Variants in GPRC5C observed in about 807,000 individuals in gnomAD.
The protein encoded by GPRC5C is G protein-coupled receptor class C group 5 member C, also known as G protein-coupled receptor family C group 5 member C.
GPRC5C carries 22 observed loss-of-function variants against 31.4 expected under a neutral mutation model. That is an observed-to-expected ratio of 0.70 (90% CI 0.50 to 1.00). GPRC5C has a LOEUF of 1.00. Ranked by LOEUF, GPRC5C falls within the 50% of genes least tolerant of loss-of-function variation. GPRC5C has a pLI of 0.00. For synonymous variants in GPRC5C, 249 were observed against 257.5 expected, an observed-to-expected ratio of 0.97 and a Z score of 0.32; for missense variants, 557 against 597.2, an observed-to-expected ratio of 0.93 and a Z score of 0.70.
chr17:74,446,818 C>A (rs372288571), intron 3 of GPRC5C, 31 bp from the exon 4 acceptor site: 50 of 1,559,320 alleles, frequency 3.2e-5, no homozygotes, highest in Non-Finnish European at 4.2e-5. Flanking sequence ...TCCCAATCCC[C>A]GACTGTGAGA....
At chr17:74,439,636 G>A (rs1183488646) in intron 1 of GPRC5C, 109 bp from the exon 2 acceptor site, 5 of 1,032,014 alleles carry the variant, frequency 4.8e-6, no homozygotes, top group Middle Eastern at 2.3e-4. Flanking sequence ...GAGCCTCACG[G>A]TCAGCAGCTA....
chr17:74,437,815 AAG>A (rs1024761856), intron 1 of GPRC5C, among the ~76,000 whole-genome samples: 17 of 152,130 alleles, frequency 1.1e-4, no homozygotes, highest in East Asian at 9.7e-4. Flanking sequence ...AGCCTCACAG[AAG>A]AGAGTTAGAT....
rs1211180403 is a variant in GPRC5C, at chr17:74,440,829, T to C, written c.1051+2T>C. On this transcript the variant is annotated splice_donor_variant, in intron 2 of 3. Coordinates refer to ENST00000392627, the MANE Select transcript of GPRC5C (RefSeq NM_022036.4). LOFTEE classifies it high-confidence loss of function. This position sits in a 1 kb window ranked among gnomAD's most constrained non-coding sequence, Gnocchi z 4.4. ...TTTCCATGGATGAGCCGGTTGCAGG[T>C]GGGTCTCTGTGGATGCCCCCAGTGG... The C allele has an allele frequency of 6.8e-7, 1 of 1,479,504 alleles. No individual in the cohort carries two copies. Among genetic ancestry groups the C allele is most frequent in the African/African-American group, 1.4e-5 (1 of 71,282 alleles). 91.6% of individuals were successfully genotyped at this position (1,479,504 alleles called of 1,614,324 possible).
At chr17:74,437,482 A>G (rs2055449162) in intron 1 of GPRC5C, among the ~76,000 whole-genome samples, 1 of 152,230 alleles carries the variant, frequency 6.6e-6, no homozygotes, top group South Asian at 2.1e-4. Flanking sequence ...GATGGCTAAG[A>G]CGACCTAAAT....
chr17:74,448,105 T>A (rs2055669587), downstream of GPRC5C, among the ~76,000 whole-genome samples: 3 of 152,160 alleles, frequency 2.0e-5, no homozygotes, highest in South Asian at 6.2e-4. Flanking sequence ...GCCCAGGAGT[T>A]CCAGACTAGC....
At chr17:74,439,105 G>A (rs964081219) in intron 1 of GPRC5C, among the ~76,000 whole-genome samples, 3 of 152,202 alleles carry the variant, frequency 2.0e-5, no homozygotes, top group African/African-American at 7.2e-5. Context: ...TGGGGACTTC[G>A]TTTATTTCAC....
intron 3 of GPRC5C, chr17:74,445,711 C>T (rs1418775698): frequency 6.6e-6 from 1 of 152,078 alleles, no homozygotes; most frequent in African/African-American, 2.4e-5. Context: ...GCAGCTCTTT[C>T]CCATAGGGCT....
chr17:74,433,068 C>A (rs559336201), intron 1 of GPRC5C, among the ~76,000 whole-genome samples: 1 of 152,074 alleles, frequency 6.6e-6, no homozygotes, highest in Non-Finnish European at 1.5e-5. Context: ...CCCGAACCCC[C>A]ACTCCCGGCT....
At chr17:74,438,427 AT>A in intron 1 of GPRC5C, among the ~76,000 whole-genome samples, 1 of 151,478 alleles carries the variant, frequency 6.6e-6, no homozygotes, top group South Asian at 2.1e-4. Flanking sequence ...CGCCCGGCTA[AT>A]TTTTGTATTT....
In GPRC5C at chr17:74,440,890, A is replaced by T. The variant is rs2055528073; in HGVS notation, c.1051+63A>T. 2 of 1,373,772 alleles carry T rather than the reference A, an allele frequency of 1.5e-6. No individual in the cohort carries two copies. The highest frequency in any genetic ancestry group is 5.3e-5 in the Admixed American group (2 of 37,566). The allele number at this position is 1,373,772 out of a possible 1,614,324, so 85.1% of individuals were successfully genotyped here. ...CATCCCATGTCTTTTACTGCAGGAC[A>T]GGGAGCCAGTCTCTTGAGCAAAATG... On this transcript the variant is annotated intron_variant, in intron 2 of 3. Coordinates refer to ENST00000392627, the MANE Select transcript of GPRC5C (RefSeq NM_022036.4). This position sits in a 1 kb window ranked among gnomAD's most constrained non-coding sequence, Gnocchi z 4.4.
intron 1 of GPRC5C, among the ~76,000 whole-genome samples, chr17:74,435,952 A>AT (rs1442574877): frequency 6.6e-6 from 1 of 152,220 alleles, no homozygotes; most frequent in Non-Finnish European, 1.5e-5. Flanking sequence ...AGAGCTGGCC[A>AT]TTATGGCTTT....
chr17:74,432,488 A>C, intron 1 of GPRC5C: 2 of 1,028,998 alleles, frequency 1.9e-6, no homozygotes, highest in Non-Finnish European at 2.3e-6. Flanking sequence ...TTGGCCCCAA[A>C]CGCTGCGCTG....
intron 2 of GPRC5C, among the ~76,000 whole-genome samples, chr17:74,442,297 C>T (rs2055553908): frequency 6.6e-6 from 1 of 152,210 alleles, no homozygotes; most frequent in South Asian, 2.1e-4. Context: ...GCCACTGCAC[C>T]TGGCCTTTTT....
chr17:74,448,829 G>C (rs997314008), downstream of GPRC5C: 1 of 1,281,258 alleles, frequency 7.8e-7, no homozygotes, highest in South Asian at 1.2e-5. Flanking sequence ...ACAGGTAAGC[G>C]AACTGACCCA....
intron 1 of GPRC5C, chr17:74,433,598 G>A (rs957319448): frequency 1.1e-5 from 10 of 881,896 alleles, no homozygotes; most frequent in African/African-American, 1.6e-5. Context: ...AGACCGATAG[G>A]AGTGGAGGCA....
At chr17:74,443,935 C>G (rs1201818134) in intron 3 of GPRC5C, 23 bp downstream of exon 3, 3 of 1,487,580 alleles carry the variant, frequency 2.0e-6, no homozygotes, top group Non-Finnish European at 2.8e-6. Context: ...CCCAGGTCCC[C>G]GTGACACGTC....
intron 1 of GPRC5C, among the ~76,000 whole-genome samples, chr17:74,434,549 G>A (rs2055403445): frequency 6.6e-6 from 1 of 152,232 alleles, no homozygotes; most frequent in African/African-American, 2.4e-5. Flanking sequence ...ACAGGAGGCA[G>A]AAGTTTCCTC....
rs530979555 is a variant in GPRC5C, at chr17:74,447,226, C to G, written c.*198C>G. ...ACCCACTCCTCAGTGTTTGTGGAGT[C>G]GAGGAGCCAACCCCAGCCTCCTGCC... On this transcript the variant is annotated 3_prime_UTR_variant, in exon 4 of 4. Transcript: ENST00000392627. 112 of 1,327,426 alleles carry G rather than the reference C, an allele frequency of 8.4e-5. No individual in the cohort carries two copies. The highest frequency in any genetic ancestry group is 1.0e-4 in the Non-Finnish European group (104 of 1,038,178). 82.2% of individuals were successfully genotyped at this position (1,327,426 alleles called of 1,614,324 possible). A position where few individuals can be genotyped will look rare whatever the true frequency, so the allele number is the denominator to read the frequency against.
At position 74,447,066 on chromosome 17, in the gene GPRC5C, G is replaced by A; in HGVS notation, c.*38G>A. The A allele has an allele frequency of 2.5e-6, 4 of 1,582,832 alleles. 1 individual carries two copies. The highest frequency in any genetic ancestry group is 2.3e-5 in the South Asian group (2 of 88,510). On this transcript the variant is annotated 3_prime_UTR_variant, in exon 4 of 4. Coordinates refer to ENST00000392627, the MANE Select transcript of GPRC5C (RefSeq NM_022036.4). The stretch of plus-strand genomic sequence containing the variant: ...GAGGAGAGGCGGGCGGATTTGGGGA[G>A]GGCCCTGAGGACCTGGCCCCGGGCA...
Sources: gnomAD v4.1 joint callset for allele counts (sites outside exome capture counted in the v4.1 genomes callset) on GRCh38, gnomAD v4.1.1 for gene constraint, Gnocchi (gnomAD v3.1) non-coding constraint, MANE v1.5 for transcripts, NCBI Gene and HGNC (gene_info 2026-07-23, HGNC 2026-07-21) for gene names.